Variants in ADGRL4 observed in about 807,000 individuals in gnomAD.
ADGRL4 encodes adhesion G protein-coupled receptor L4.
ADGRL4 carries 90 observed loss-of-function variants against 74.8 expected under a neutral mutation model. That is an observed-to-expected ratio of 1.20 (90% CI 1.02 to 1.43). The LOEUF (loss-of-function observed/expected upper bound fraction) is 1.43, where lower values mean the gene tolerates loss of function less well. ADGRL4 is among the 40% of genes most tolerant of loss of function. The pLI is 0.00. For missense variants in ADGRL4, 881 were observed against 814.3 expected (o/e 1.08, Z -1.00); for synonymous variants, 311 against 279.2 (o/e 1.11, Z -1.14).
At chr1:78,892,478 A>T (rs1648301704) in intron 13 of ADGRL4, among the ~76,000 whole-genome samples, 1 of 152,120 alleles carries the variant, frequency 6.6e-6, no homozygotes, top group Non-Finnish European at 1.5e-5. Flanking sequence ...AGTGTACCTC[A>T]GAAAATGAGT....
At chr1:78,916,955 T>C (rs189622451) in intron 12 of ADGRL4, among the ~76,000 whole-genome samples, 2 of 151,964 alleles carry the variant, frequency 1.3e-5, no homozygotes, top group Admixed American at 1.3e-4. Context: ...GAATGGAACA[T>C]ATAATGCCTG....
intron 2 of ADGRL4, among the ~76,000 whole-genome samples, chr1:78,992,871 T>C (rs1036539900): frequency 3.3e-5 from 5 of 152,144 alleles, no homozygotes; most frequent in Non-Finnish European, 5.9e-5. Context: ...CAAATCTATG[T>C]AACTTCAGAC....
At chr1:78,923,014 G>GA (rs1649033594) in intron 8 of ADGRL4, among the ~76,000 whole-genome samples, 1 of 151,866 alleles carries the variant, frequency 6.6e-6, no homozygotes, top group African/African-American at 2.4e-5. Flanking sequence ...TTGGAGCACT[G>GA]AAAAAAACTG....
At chr1:78,926,810 T>C in intron 8 of ADGRL4, 76 bp downstream of exon 8, 5 of 1,054,754 alleles carry the variant, frequency 4.7e-6, no homozygotes, top group Non-Finnish European at 6.9e-6. Flanking sequence ...TCAGATAATT[T>C]AAGTGACACA....
chr1:78,915,498 A>AT (rs933705273), intron 12 of ADGRL4, among the ~76,000 whole-genome samples: 1 of 151,780 alleles, frequency 6.6e-6, no homozygotes, highest in African/African-American at 2.4e-5. Flanking sequence ...AAACACCATC[A>AT]TTTTTTCTTA....
intron 12 of ADGRL4, among the ~76,000 whole-genome samples, chr1:78,902,321 A>G (rs991590916): frequency 6.6e-6 from 1 of 152,154 alleles, no homozygotes; most frequent in Non-Finnish European, 1.5e-5. Flanking sequence ...ATATTGTTCC[A>G]AGTCTATTTA....
chr1:78,896,666 C>T (rs146135040), intron 12 of ADGRL4, among the ~76,000 whole-genome samples: 1 of 152,182 alleles, frequency 6.6e-6, no homozygotes, highest in East Asian at 1.9e-4. Flanking sequence ...CTCTCTTCTG[C>T]CATCCTTATC....
In ADGRL4 at chr1:78,918,054, G is replaced by C; in HGVS notation, c.1462-4C>G. On this transcript the variant is annotated splice_region_variant and splice_polypyrimidine_tract_variant and intron_variant, in intron 10 of 14. Transcript: ENST00000370742. ...CGGCAATGATTGAACAGAAGAGCTAGAAATCAAAGAAAAAAAAAAAAACAT... is the reference window on the plus strand; with the variant it reads ...CGGCAATGATTGAACAGAAGAGCTACAAATCAAAGAAAAAAAAAAAAACAT... 1 of 1,478,728 alleles carries C rather than the reference G, an allele frequency of 6.8e-7. No homozygotes were observed. The highest frequency in any genetic ancestry group is 9.1e-7 in the Non-Finnish European group (1 of 1,100,660). The allele number at this position is 1,478,728 out of a possible 1,614,324, so 91.6% of individuals were successfully genotyped here. A position where few individuals can be genotyped will look rare whatever the true frequency, so the allele number is the denominator to read the frequency against.
intron 2 of ADGRL4, among the ~76,000 whole-genome samples, chr1:79,003,199 G>T (rs552032726): frequency 5.9e-4 from 89 of 152,030 alleles, no homozygotes; most frequent in African/African-American, 1.8e-3. Flanking sequence ...ATATAACCTA[G>T]ACTATTCAGC....
intron 9 of ADGRL4, 74 bp downstream of exon 9, chr1:78,921,539 A>G: frequency 1.1e-6 from 1 of 951,936 alleles, no homozygotes; most frequent in South Asian, 3.1e-5. Flanking sequence ...AAAAAATTAA[A>G]TATTGTCTCG....
intron 2 of ADGRL4, among the ~76,000 whole-genome samples, chr1:78,956,256 A>G (rs942548387): frequency 6.6e-6 from 1 of 152,142 alleles, no homozygotes; most frequent in Non-Finnish European, 1.5e-5. Context: ...GTAAACTTAC[A>G]TAACTTTCCC....
intron 12 of ADGRL4, among the ~76,000 whole-genome samples, chr1:78,908,727 A>G (rs1199985470): frequency 6.6e-6 from 1 of 152,008 alleles, no homozygotes; most frequent in Non-Finnish European, 1.5e-5. Flanking sequence ...TACATTTATA[A>G]GGAAATACTA....
At chr1:78,993,089 G>A (rs1650640390) in intron 2 of ADGRL4, among the ~76,000 whole-genome samples, 1 of 151,900 alleles carries the variant, frequency 6.6e-6, no homozygotes, top group African/African-American at 2.4e-5. Context: ...ACTTAAGGAG[G>A]GTTAAAATAC....
chr1:78,943,986 C>T (rs1201536364), intron 3 of ADGRL4, among the ~76,000 whole-genome samples: 3 of 152,096 alleles, frequency 2.0e-5, no homozygotes, highest in African/African-American at 7.2e-5. Context: ...TCCACCTTAA[C>T]ACAATAGAAA....
chr1:78,946,508 T>G, intron 2 of ADGRL4, 82 bp from the exon 3 acceptor site: 2 of 1,193,936 alleles, frequency 1.7e-6, no homozygotes, highest in Non-Finnish European at 2.4e-6. Flanking sequence ...TTTGGAATAT[T>G]GACTGTTAGA....
chr1:79,001,786 A>G (rs1280113483), intron 2 of ADGRL4, among the ~76,000 whole-genome samples: 1 of 152,156 alleles, frequency 6.6e-6, no homozygotes, highest in African/African-American at 2.4e-5. Context: ...AGGGGATACG[A>G]TAAATATTGT....
chr1:78,893,058 CAAAAA>C, intron 13 of ADGRL4, 35 bp downstream of exon 13: 36 of 847,716 alleles, frequency 4.2e-5, no homozygotes, highest in Admixed American at 1.0e-4. Context: ...TTTTAATTAC[CAAAAA>C]AAAAAAAAAA....
chr1:78,997,458 A>T (rs1650740716), intron 2 of ADGRL4, among the ~76,000 whole-genome samples: 1 of 152,196 alleles, frequency 6.6e-6, no homozygotes, highest in Non-Finnish European at 1.5e-5. Context: ...CGAAAGGAGA[A>T]GAATTAGAGA....
intron 7 of ADGRL4, among the ~76,000 whole-genome samples, chr1:78,930,320 T>C (rs1649211412): frequency 6.6e-6 from 1 of 151,132 alleles, no homozygotes; most frequent in Non-Finnish European, 1.5e-5. Context: ...TTTACCTATA[T>C]GAGAACAACA....
Sources: gnomAD v4.1 joint callset for allele counts (sites outside exome capture counted in the v4.1 genomes callset) on GRCh38, gnomAD v4.1.1 for gene constraint, MANE v1.5 for transcripts, NCBI Gene and HGNC (gene_info 2026-07-23, HGNC 2026-07-21) for gene names.